Variants in RXYLT1 observed in about 807,000 individuals in gnomAD.
RXYLT1 encodes the protein ribitol-5-phosphate xylosyltransferase 1.
Under a neutral mutation model 43.5 loss-of-function variants are expected in RXYLT1, and 41 were observed. The ratio of observed to expected loss-of-function variants is 0.94; its 90% CI spans 0.73 to 1.22. The LOEUF (loss-of-function observed/expected upper bound fraction) is 1.22, where lower values mean the gene tolerates loss of function less well. Among genes scored for constraint, RXYLT1 ranks in the 50% most tolerant of loss-of-function variants. The pLI is 0.00. For synonymous variants in RXYLT1, 166 were observed against 194.4 expected, an observed-to-expected ratio of 0.85 and a Z score of 1.21; for missense variants, 514 against 532.0, an observed-to-expected ratio of 0.97 and a Z score of 0.33.
At position 63,789,136 on chromosome 12, in the gene RXYLT1, G is replaced by A. The variant is rs933425357; in HGVS notation, c.428+4064G>A. Among the ~76,000 whole-genome samples, 11 of 152,240 alleles carry A rather than the reference G, an allele frequency of 7.2e-5. No homozygotes were observed. The East Asian group carries it at 7.7e-4, about 11-fold the overall frequency. On this transcript the variant is annotated intron_variant, in intron 3 of 5. Transcript: ENST00000261234. Reference sequence around the variant, plus strand: ...ACACTCCTGAAAGTGAGAGACTTGCGACTCTTCCTTTCACCTAGAGGGCAT... The same window carrying A: ...ACACTCCTGAAAGTGAGAGACTTGCAACTCTTCCTTTCACCTAGAGGGCAT...
At chr12:63,797,080 C>T (rs1898051764) in intron 3 of RXYLT1, among the ~76,000 whole-genome samples, 2 of 151,046 alleles carry the variant, frequency 1.3e-5, no homozygotes, top group African/African-American at 2.4e-5. Context: ...TCTCCTGCCT[C>T]AGCCTCCCAA....
chr12:63,809,161 T>C lies in RXYLT1; in HGVS notation c.*69T>C, dbSNP rs1174762747. The stretch of plus-strand genomic sequence containing the variant: ...TACTGGGTGTATAAATGTGTTTGTG[T>C]GTGTATGTATTTATAGATGTTCTTT... On this transcript the variant is annotated 3_prime_UTR_variant, in exon 6 of 6. Transcript: ENST00000261234. 2.7e-6 allele frequency: 3 copies of C among 1,122,640 alleles called. No homozygotes were observed. Among genetic ancestry groups the C allele is most frequent in the East Asian group, 2.6e-5 (1 of 38,760 alleles). 69.5% of individuals were successfully genotyped at this position (1,122,640 alleles called of 1,614,324 possible). A position where few individuals can be genotyped will look rare whatever the true frequency, so the allele number is the denominator to read the frequency against.
intron 5 of RXYLT1, chr12:63,805,711 C>G (rs546591644): frequency 9.9e-6 from 2 of 201,932 alleles, no homozygotes; most frequent in Non-Finnish European, 2.0e-5. Flanking sequence ...TAATGAGATA[C>G]TTAGGTTCAT....
intron 1 of RXYLT1, chr12:63,780,443 G>A: frequency 8.4e-7 from 1 of 1,197,228 alleles, no homozygotes; most frequent in Non-Finnish European, 1.0e-6. Context: ...GCTCCTGGAA[G>A]GCCTCAAAAT....
At chr12:63,798,820 A>G (rs151145235) in intron 3 of RXYLT1, among the ~76,000 whole-genome samples, 57 of 152,352 alleles carry the variant, frequency 3.7e-4, no homozygotes, top group African/African-American at 1.3e-3. Context: ...ATAGTGCTCA[A>G]CAGGTGCACA....
rs369137385 is a variant in RXYLT1, at chr12:63,785,029, C to T, written c.385C>T (p.Gln129Ter). The stretch of plus-strand genomic sequence containing the variant: ...ACTTGATCCCAGCGATGTGACTGCT[C>T]AATGGAGAGAAGGAAAGTCAATCGT... ...GLLDPSDVTA[Q>*]WREGKSIVGR... The change falls in exon 3 of 6, where the codon CAA becomes TAA. Residue 129 changes from glutamine to a stop codon, truncating the protein, a stop_gained. Coordinates refer to ENST00000261234, the MANE Select transcript of RXYLT1 (RefSeq NM_014254.3). LOFTEE classifies it high-confidence loss of function. 11 of 1,613,814 alleles carry T rather than the reference C, an allele frequency of 6.8e-6. No homozygotes were observed. Among genetic ancestry groups the T allele is most frequent in the Non-Finnish European group, 9.3e-6 (11 of 1,179,822 alleles).
At chr12:63,780,423 T>A (rs1897652775) in intron 1 of RXYLT1, 4 of 1,225,890 alleles carry the variant, frequency 3.3e-6, no homozygotes, top group Non-Finnish European at 4.1e-6. Flanking sequence ...TGCCAGAGAT[T>A]TGCGGGAATG....
chr12:63,808,512 A>G (rs1898362741), intron 5 of RXYLT1, 163 bp from the exon 6 acceptor site: 1 of 690,600 alleles, frequency 1.4e-6, no homozygotes. Flanking sequence ...CAACATTTTT[A>G]AGAAATCTGT....
At chr12:63,796,773 G>A (rs1342613244) in intron 3 of RXYLT1, among the ~76,000 whole-genome samples, 1 of 151,708 alleles carries the variant, frequency 6.6e-6, no homozygotes, top group Non-Finnish European at 1.5e-5. Flanking sequence ...AAAATCCCCA[G>A]AATCACTGGA....
chr12:63,784,281 G>T (rs1013294725), intron 2 of RXYLT1, among the ~76,000 whole-genome samples: 25 of 152,104 alleles, frequency 1.6e-4, no homozygotes, highest in African/African-American at 5.8e-4. Context: ...AATGAGAATG[G>T]AACAAAAACC....
chr12:63,788,406 T>A (rs749527919), intron 3 of RXYLT1, among the ~76,000 whole-genome samples: 1 of 152,254 alleles, frequency 6.6e-6, no homozygotes, highest in Non-Finnish European at 1.5e-5. Context: ...GATATAAAGC[T>A]GTTTCATCTG....
intron 3 of RXYLT1, chr12:63,790,262 A>G (rs1368857150): frequency 6.6e-6 from 1 of 152,252 alleles, no homozygotes; most frequent in African/African-American, 2.4e-5. Context: ...GGTTGATTAC[A>G]TAATGGAACC....
intron 3 of RXYLT1, among the ~76,000 whole-genome samples, chr12:63,794,835 G>C (rs1436649116): frequency 6.6e-6 from 1 of 151,980 alleles, no homozygotes; most frequent in Non-Finnish European, 1.5e-5. Flanking sequence ...CCGTTCCATA[G>C]TTTTCATTGT....
At chr12:63,798,778 G>T (rs1898090484) in intron 3 of RXYLT1, among the ~76,000 whole-genome samples, 1 of 152,200 alleles carries the variant, frequency 6.6e-6, no homozygotes, top group Non-Finnish European at 1.5e-5. Flanking sequence ...GACACTGACA[G>T]TGTCCACTGA....
intron 1 of RXYLT1, 73 bp downstream of exon 1, chr12:63,780,202 C>A (rs1897645016): frequency 2.9e-6 from 4 of 1,394,142 alleles, no homozygotes; most frequent in East Asian, 2.9e-5. Flanking sequence ...GGGGCCGGGT[C>A]CCCGCACCCG....
At chr12:63,787,409 C>T (rs1379490941) in intron 3 of RXYLT1, among the ~76,000 whole-genome samples, 1 of 152,304 alleles carries the variant, frequency 6.6e-6, no homozygotes, top group Non-Finnish European at 1.5e-5. Context: ...ACTTAAATCT[C>T]GAACCCCTCA....
intron 2 of RXYLT1, among the ~76,000 whole-genome samples, chr12:63,782,857 A>C (rs1337204758): frequency 2.0e-5 from 3 of 152,146 alleles, no homozygotes; most frequent in Non-Finnish European, 4.4e-5. Flanking sequence ...CTAATTTTTC[A>C]CATCTTTTGC....
At chr12:63,798,837 A>G (rs1356491482) in intron 3 of RXYLT1, among the ~76,000 whole-genome samples, 1 of 152,240 alleles carries the variant, frequency 6.6e-6, no homozygotes, top group Non-Finnish European at 1.5e-5. Context: ...CACACATGCT[A>G]TTAAATATTT....
intron 3 of RXYLT1, among the ~76,000 whole-genome samples, chr12:63,800,172 G>A (rs1046501710): frequency 6.6e-6 from 1 of 152,164 alleles, no homozygotes; most frequent in African/African-American, 2.4e-5. Context: ...AAGCTCTGAA[G>A]TGAGACAGAA....
Sources: allele counts gnomAD v4.1 joint callset (sites outside exome capture counted in the v4.1 genomes callset), GRCh38; gene constraint gnomAD v4.1.1; transcripts MANE v1.5; gene names NCBI Gene and HGNC (gene_info 2026-07-23, HGNC 2026-07-21).